ZBTB7A: variants seen among roughly 807,000 people sequenced by gnomAD.
ZBTB7A encodes the protein zinc finger and BTB domain containing 7A, also known as zinc finger and BTB domain-containing protein 7A.
Under a neutral mutation model 26.7 loss-of-function variants are expected in ZBTB7A, and 7 were observed. That is an observed-to-expected ratio of 0.26 (90% confidence interval 0.15 to 0.49). The LOEUF is 0.49. ZBTB7A is among the 20% of genes least tolerant of loss of function. The probability of loss-of-function intolerance (pLI) is 0.98; values close to 1 mark genes in which losing one functional copy is unlikely to be tolerated. For synonymous variants in ZBTB7A, 452 were observed against 441.0 expected (o/e 1.02, Z -0.31); for missense variants, 617 against 919.5 (o/e 0.67, Z 4.25).
chr19:4,055,499 C>CGGG, intron 1 of ZBTB7A: 5 of 984,970 alleles, frequency 5.1e-6, no homozygotes, highest in Non-Finnish European at 6.0e-6. Flanking sequence ...CAGAGACAGG[C>CGGG]TATCACCATG....
At chr19:4,057,527 C>T (rs1013324620) in intron 1 of ZBTB7A, among the ~76,000 whole-genome samples, 1 of 152,098 alleles carries the variant, frequency 6.6e-6, no homozygotes, top group African/African-American at 2.4e-5. Context: ...CGGTGGCTCA[C>T]GCCGGTAATC....
In ZBTB7A at chr19:4,048,169, G is replaced by A; in HGVS notation, c.1338C>T (p.Ala446=). 1 of 1,608,242 alleles carries A rather than the reference G, an allele frequency of 6.2e-7. No individual in the cohort carries two copies. The highest frequency in any genetic ancestry group is 8.5e-7 in the Non-Finnish European group (1 of 1,178,828). ...TCTTCAGGTCGTAGTTGTGGGCAAA[G>A]GCGGCGCCGCACTGCTGGCACAGGT... ...KPYLCQQCGA[A]FAHNYDLKNH... Residue 446 remains alanine (A), a synonymous_variant, in exon 3 of 3, where the codon GCC becomes GCT. Transcript: ENST00000322357. This position sits in a 1 kb window ranked among gnomAD's most constrained non-coding sequence, Gnocchi z 6.7.
intron 1 of ZBTB7A, among the ~76,000 whole-genome samples, chr19:4,064,981 C>G (rs1350376972): frequency 6.6e-6 from 1 of 151,838 alleles, no homozygotes; most frequent in Non-Finnish European, 1.5e-5. Flanking sequence ...CGCAGAGGCC[C>G]GGTCCCTGGG....
Position 4,048,061 on chromosome 19 carries a change from G to A in ZBTB7A, c.1446C>T (p.His482=), listed in dbSNP as rs780428136. 1.9e-5 allele frequency: 31 copies of A among 1,600,108 alleles called. No individual in the cohort carries two copies. Among genetic ancestry groups the A allele is most frequent in the South Asian group, 5.6e-5 (5 of 89,358 alleles). The change falls in exon 3 of 3, where the codon CAC becomes CAT. Residue 482 remains histidine (H), a synonymous_variant. Coordinates refer to ENST00000322357, the MANE Select transcript of ZBTB7A (RefSeq NM_015898.4). This position sits in a 1 kb window ranked among gnomAD's most constrained non-coding sequence, Gnocchi z 6.7. The stretch of plus-strand genomic sequence containing the variant: ...TGCAGCCGTCTTTCTTGAGGTGTCT[G>A]TGCAGGTGGTCGGAGCGGACGAAGG... ...CKTFVRSDHL[H]RHLKKDGCNG...
chr19:4,055,197 C>A lies in ZBTB7A; in HGVS notation c.36G>T (p.Pro12=), dbSNP rs149842256. Residue 12 remains proline, a synonymous_variant, in exon 2 of 3, where the codon CCG becomes CCT. Coordinates refer to ENST00000322357, the MANE Select transcript of ZBTB7A (RefSeq NM_015898.4). ...AGGVDGPIGI[P]FPDHSSDILS... Reference sequence around the variant, plus strand: ...GGATGTCGCTGCTGTGGTCGGGGAACGGGATCCCGATGGGGCCGTCCACGC... The same window carrying A: ...GGATGTCGCTGCTGTGGTCGGGGAAAGGGATCCCGATGGGGCCGTCCACGC... 2.0e-4 allele frequency: 319 copies of A among 1,573,838 alleles called. No homozygotes were observed. Among genetic ancestry groups the A allele is most frequent in the Middle Eastern group, 1.7e-4 (1 of 5,958 alleles).
rs1217979224 is a variant in ZBTB7A at position 4,046,111 on chromosome 19, G to C, written c.*1641C>G. On this transcript the variant is annotated 3_prime_UTR_variant, in exon 3 of 3. Coordinates refer to ENST00000322357, the MANE Select transcript of ZBTB7A (RefSeq NM_015898.4). Reference sequence around the variant, plus strand: ...CTAGGGAGGAGGAAGGAGAGACCCCGTGGACAGAAGCGGGCGCTAAGACCT... The same window carrying C: ...CTAGGGAGGAGGAAGGAGAGACCCCCTGGACAGAAGCGGGCGCTAAGACCT... 1.5e-5 allele frequency: 6 copies of C among 398,912 alleles called. No individual in the cohort carries two copies. The Admixed American group carries it at 2.6e-4, about 18-fold the overall frequency. The allele number at this position is 398,912 out of a possible 1,614,324, so 24.7% of individuals were successfully genotyped here.
intron 1 of ZBTB7A, among the ~76,000 whole-genome samples, chr19:4,056,710 A>G (rs1289058557): frequency 6.6e-6 from 1 of 152,204 alleles, no homozygotes; most frequent in Non-Finnish European, 1.5e-5. Context: ...TCTACTAAAA[A>G]TACAAAAATA....
rs116085251 is a variant in ZBTB7A, at chr19:4,057,381, G to A, written c.-15-2134C>T. On this transcript the variant is annotated intron_variant, in intron 1 of 2. Transcript: ENST00000322357. ...AAATAAGGAAAGGGCACTCTGAGGCGCTACAGGAGGACGCAGTAGCTCGAG... is the reference window on the plus strand; with the variant it reads ...AAATAAGGAAAGGGCACTCTGAGGCACTACAGGAGGACGCAGTAGCTCGAG... Among the ~76,000 whole-genome samples, 1,332 of 152,268 alleles carry A rather than the reference G, an allele frequency of 8.7e-3. 26 individuals carry two copies. The highest frequency in any genetic ancestry group is 0.03 in the African/African-American group (1,231 of 41,548).
rs866083482 is a variant in ZBTB7A at position 4,048,430 on chromosome 19, G to T, written c.1263-186C>A. Among the ~76,000 whole-genome samples, 7 of 152,346 alleles carry T rather than the reference G, an allele frequency of 4.6e-5. No homozygotes were observed. Among genetic ancestry groups the T allele is most frequent in the Middle Eastern group, 3.4e-3 (1 of 294 alleles). On this transcript the variant is annotated intron_variant, in intron 2 of 2. Coordinates refer to ENST00000322357, the MANE Select transcript of ZBTB7A (RefSeq NM_015898.4). The surrounding 1 kb of genome is among the most constrained non-coding windows in gnomAD (Gnocchi z 6.7). ...AAACGAGACGAGTGGGGGCGATTTC[G>T]CATTCTGAACATCTAAAGAGGGCCT...
At chr19:4,064,420 C>G (rs350840) in intron 1 of ZBTB7A, among the ~76,000 whole-genome samples, 145,528 of 152,324 alleles carry the variant, frequency 0.96, 69,540 homozygotes, top group Admixed American at 0.97. Context: ...GGCCCCATGG[C>G]GGGTGGCCCT....
In ZBTB7A at chr19:4,046,350, TTTTA is replaced by T. The variant is rs1371694963; in HGVS notation, c.*1398_*1401del. 3 of 307,286 alleles carry T rather than the reference TTTTA, an allele frequency of 9.8e-6. No homozygotes were observed. Among genetic ancestry groups the T allele is most frequent in the Non-Finnish European group, 1.2e-5 (2 of 169,372 alleles). 19.0% of individuals were successfully genotyped at this position (307,286 alleles called of 1,614,324 possible). A position where few individuals can be genotyped will look rare whatever the true frequency, so the allele number is the denominator to read the frequency against. On this transcript the variant is annotated 3_prime_UTR_variant, in exon 3 of 3. Coordinates refer to ENST00000322357, the MANE Select transcript of ZBTB7A (RefSeq NM_015898.4). ...TTCTACGTTTGTGGTGGGTTTTTTTTTTTATTATTTTGTACAAAAATAAATCGAC... is the reference window on the plus strand; with the variant it reads ...TTCTACGTTTGTGGTGGGTTTTTTTTTTATTTTGTACAAAAATAAATCGAC...
At chr19:4,059,481 G>A (rs1471288234) in intron 1 of ZBTB7A, among the ~76,000 whole-genome samples, 1 of 152,130 alleles carries the variant, frequency 6.6e-6, no homozygotes, top group African/African-American at 2.4e-5. Flanking sequence ...AGCGAGGCCC[G>A]GGGTGATGTC....
intron 1 of ZBTB7A, among the ~76,000 whole-genome samples, chr19:4,058,424 AC>A (rs954623281): frequency 1.4e-4 from 20 of 142,868 alleles, no homozygotes; most frequent in African/African-American, 4.9e-4. Flanking sequence ...TGTCTGTCCC[AC>A]CCCTTTCTCC....
chr19:4,060,012 G>A (rs768387568), intron 1 of ZBTB7A, among the ~76,000 whole-genome samples: 7 of 151,616 alleles, frequency 4.6e-5, no homozygotes, highest in Non-Finnish European at 1.0e-4. Flanking sequence ...CCCCACCCCT[G>A]CCGGCCAGGG....
Position 4,047,699 on chromosome 19 carries a change from T to TTC in ZBTB7A, c.*51_*52dup, listed in dbSNP as rs1199332197. On this transcript the variant is annotated 3_prime_UTR_variant, in exon 3 of 3. Coordinates refer to ENST00000322357, the MANE Select transcript of ZBTB7A (RefSeq NM_015898.4). ...TTGGGGGGGTGGTGGGTGATTTTTT[T>TTC]TCTCTCTCTCTGTCTCTCTCTTTCT... 4 of 1,540,416 alleles carry TTC rather than the reference T, an allele frequency of 2.6e-6. No homozygotes were observed. Among genetic ancestry groups the TTC allele is most frequent in the Admixed American group, 4.5e-5 (2 of 44,018 alleles).
intron 1 of ZBTB7A, among the ~76,000 whole-genome samples, chr19:4,058,655 C>CCTCCG: frequency 7.8e-5 from 1 of 12,830 alleles, no homozygotes; most frequent in Non-Finnish European, 1.7e-4. Flanking sequence ...CTGGGCCTTT[C>CCTCCG]ATGGCCTCCT....
chr19:4,059,920 C>T (rs550314012), intron 1 of ZBTB7A, among the ~76,000 whole-genome samples: 31 of 152,304 alleles, frequency 2.0e-4, no homozygotes, highest in African/African-American at 4.3e-4. Context: ...CCCCACTGTG[C>T]GCCCGACACA....
intron 2 of ZBTB7A, among the ~76,000 whole-genome samples, chr19:4,051,894 C>A (rs919010518): frequency 1.3e-5 from 2 of 152,100 alleles, no homozygotes; most frequent in African/African-American, 4.8e-5. Context: ...AGTTTCATCA[C>A]CCCGAGCCCC....
intron 2 of ZBTB7A, among the ~76,000 whole-genome samples, chr19:4,049,454 C>A (rs1362650299): frequency 6.6e-6 from 1 of 151,552 alleles, no homozygotes; most frequent in Non-Finnish European, 1.5e-5. Flanking sequence ...TGCCACAGAC[C>A]TTTGCCGAGC....
Sources: gnomAD v4.1 joint callset for allele counts (sites outside exome capture counted in the v4.1 genomes callset) on GRCh38, gnomAD v4.1.1 for gene constraint, Gnocchi (gnomAD v3.1) non-coding constraint, MANE v1.5 for transcripts, NCBI Gene and HGNC (gene_info 2026-07-23, HGNC 2026-07-21) for gene names.